CLSTN2: variants seen among roughly 807,000 people sequenced by gnomAD.
CLSTN2 encodes calsyntenin 2.
In CLSTN2, 48 loss-of-function variants were observed where a neutral mutation model predicts 101.2. The observed-to-expected ratio is 0.47, with a 90% CI of 0.38 to 0.60. CLSTN2 has a LOEUF of 0.60. CLSTN2 is among the 20% of genes least tolerant of loss of function. The pLI is 0.00. For synonymous variants in CLSTN2, 481 were observed against 463.6 expected (o/e 1.04, Z -0.48); for missense variants, 1,160 against 1,238.2 (o/e 0.94, Z 0.95).
intron 2 of CLSTN2, among the ~76,000 whole-genome samples, chr3:140,242,957 T>G (rs887878012): frequency 3.3e-5 from 5 of 152,226 alleles, no homozygotes; most frequent in Non-Finnish European, 5.9e-5. Context: ...ATGTGTTCAC[T>G]TTCATCAACA....
chr3:140,296,237 A>G (rs1340472340), intron 2 of CLSTN2, among the ~76,000 whole-genome samples: 1 of 152,180 alleles, frequency 6.6e-6, no homozygotes, highest in Non-Finnish European at 1.5e-5. Flanking sequence ...ATTCTTGAAG[A>G]TGATCTTTAG....
intron 1 of CLSTN2, among the ~76,000 whole-genome samples, chr3:140,068,959 A>G (rs2008347389): frequency 6.6e-6 from 1 of 152,236 alleles, no homozygotes; most frequent in Admixed American, 6.5e-5. Context: ...TGATAATAAT[A>G]GAATCTCTCT....
intron 1 of CLSTN2, among the ~76,000 whole-genome samples, chr3:140,157,384 G>T (rs959962688): frequency 6.6e-6 from 1 of 152,124 alleles, no homozygotes; most frequent in Admixed American, 6.5e-5. Flanking sequence ...TATTTGGTTG[G>T]TAGGTTTTTT....
intron 2 of CLSTN2, among the ~76,000 whole-genome samples, chr3:140,308,144 C>T (rs766960829): frequency 6.6e-6 from 1 of 152,156 alleles, no homozygotes; most frequent in Non-Finnish European, 1.5e-5. Context: ...TGGCTCTTGG[C>T]ATCTATGGAA....
chr3:140,000,050 T>C (rs1349019161), intron 1 of CLSTN2, among the ~76,000 whole-genome samples: 1 of 140,990 alleles, frequency 7.1e-6, no homozygotes, highest in East Asian at 2.5e-4. Flanking sequence ...TTCCTTCTCA[T>C]GTGAGGATCA....
chr3:140,485,760 G>T (rs933717472), intron 8 of CLSTN2, among the ~76,000 whole-genome samples: 4 of 152,066 alleles, frequency 2.6e-5, no homozygotes, highest in African/African-American at 9.7e-5. Context: ...CGAGCCATGC[G>T]CAGGATATAA....
chr3:140,462,277 G>C (rs1036827576), intron 7 of CLSTN2, among the ~76,000 whole-genome samples: 1 of 152,014 alleles, frequency 6.6e-6, no homozygotes, highest in African/African-American at 2.4e-5. Context: ...TAAAAATATG[G>C]ATTATTTGGG....
intron 1 of CLSTN2, among the ~76,000 whole-genome samples, chr3:140,079,753 A>AAAAAAAAAGAAAG (rs552886470): frequency 6.6e-6 from 1 of 151,338 alleles, no homozygotes; most frequent in East Asian, 1.9e-4. Context: ...TATGTCTCAA[A>AAAAAAAAAGAAAG]AAAAAAAAGA....
chr3:140,460,357 A>G (rs1933529706), intron 7 of CLSTN2: 1 of 157,204 alleles, frequency 6.4e-6, no homozygotes, highest in South Asian at 1.9e-4. Flanking sequence ...CAAGTTGTTT[A>G]GCCTTTCTGT....
At chr3:140,079,699 C>T (rs888871483) in intron 1 of CLSTN2, among the ~76,000 whole-genome samples, 2 of 147,560 alleles carry the variant, frequency 1.4e-5, no homozygotes, top group Non-Finnish European at 3.0e-5. Flanking sequence ...TGCAGTGAGC[C>T]GAGGTTGTGC....
At chr3:140,554,716 A>G (rs1935764133) in intron 10 of CLSTN2, among the ~76,000 whole-genome samples, 2 of 152,236 alleles carry the variant, frequency 1.3e-5, no homozygotes, top group Non-Finnish European at 2.9e-5. Flanking sequence ...ACCGTCAGTA[A>G]AAGATGACAA....
At chr3:140,312,087 C>T (rs762681635) in intron 2 of CLSTN2, among the ~76,000 whole-genome samples, 5 of 152,202 alleles carry the variant, frequency 3.3e-5, no homozygotes, top group Admixed American at 6.5e-5. Flanking sequence ...GGGATATCTT[C>T]CCCAAATGCT....
At chr3:140,002,196 A>G (rs1421801551) in intron 1 of CLSTN2, among the ~76,000 whole-genome samples, 1 of 152,182 alleles carries the variant, frequency 6.6e-6, no homozygotes, top group Non-Finnish European at 1.5e-5. Flanking sequence ...ACAGTGTACA[A>G]GCATTTTCTC....
intron 2 of CLSTN2, among the ~76,000 whole-genome samples, chr3:140,215,704 C>T (rs996524814): frequency 5.9e-5 from 9 of 152,290 alleles, no homozygotes; most frequent in East Asian, 1.9e-4. Flanking sequence ...GCACAAGTAA[C>T]TTACCCTCCC....
At chr3:140,350,990 A>G (rs2087599927) in intron 2 of CLSTN2, among the ~76,000 whole-genome samples, 1 of 152,172 alleles carries the variant, frequency 6.6e-6, no homozygotes, top group Non-Finnish European at 1.5e-5. Context: ...TGCTTTGCTC[A>G]TAAACTGAGA....
At chr3:140,260,574 G>A (rs1409375905) in intron 2 of CLSTN2, among the ~76,000 whole-genome samples, 1 of 151,330 alleles carries the variant, frequency 6.6e-6, no homozygotes, top group African/African-American at 2.4e-5. Flanking sequence ...TAGAAAAATT[G>A]AGAAGGCAGT....
chr3:140,425,494 C>T (rs372187110), intron 5 of CLSTN2, among the ~76,000 whole-genome samples: 23 of 152,334 alleles, frequency 1.5e-4, no homozygotes, highest in African/African-American at 5.5e-4. Context: ...GTATTATCTA[C>T]CAAGGCTATG....
intron 10 of CLSTN2, among the ~76,000 whole-genome samples, chr3:140,555,839 G>A (rs1282551105): frequency 6.6e-6 from 1 of 152,178 alleles, no homozygotes; most frequent in Non-Finnish European, 1.5e-5. Flanking sequence ...ACTCAGTGGG[G>A]AGAATCGCCG....
intron 8 of CLSTN2, among the ~76,000 whole-genome samples, chr3:140,485,225 A>T (rs1934211696): frequency 6.6e-6 from 1 of 152,242 alleles, no homozygotes; most frequent in Non-Finnish European, 1.5e-5. Flanking sequence ...GGTCCACTCC[A>T]GACCCTGTTT....
Sources: gnomAD v4.1 joint callset for allele counts (sites outside exome capture counted in the v4.1 genomes callset) on GRCh38, gnomAD v4.1.1 for gene constraint, MANE v1.5 for transcripts, NCBI Gene and HGNC (gene_info 2026-07-23, HGNC 2026-07-21) for gene names.